The following EYA1 variants were observed in gnomAD, a reference collection of about 807,000 sequenced individuals.
The protein encoded by EYA1 is EYA transcriptional coactivator and phosphatase 1.
EYA1 carries 16 observed loss-of-function variants against 82.0 expected under a neutral mutation model. That is an observed-to-expected ratio of 0.20 (90% CI 0.13 to 0.30). EYA1 has a LOEUF of 0.30. Among genes scored for constraint, EYA1 ranks in the 10% least tolerant of loss-of-function variants. The probability of loss-of-function intolerance (pLI) is 1.00; values close to 1 mark genes in which losing one functional copy is unlikely to be tolerated. For synonymous variants in EYA1, 261 were observed against 264.4 expected (o/e 0.99, Z 0.12); for missense variants, 633 against 730.7 (o/e 0.87, Z 1.54).
chr8:71,397,908 C>T (rs1023440315), intron 2 of EYA1, among the ~76,000 whole-genome samples: 6 of 152,134 alleles, frequency 3.9e-5, no homozygotes, highest in Non-Finnish European at 8.8e-5. Flanking sequence ...CCATTCTCCC[C>T]GTCACTTTCA....
intron 2 of EYA1, among the ~76,000 whole-genome samples, chr8:71,412,816 C>G (rs1830678262): frequency 6.6e-6 from 1 of 152,194 alleles, no homozygotes; most frequent in Admixed American, 6.5e-5. Flanking sequence ...CCTGCCATAC[C>G]TAGCACTGCT....
intron 12 of EYA1, among the ~76,000 whole-genome samples, chr8:71,236,634 C>A (rs1406070176): frequency 6.6e-6 from 1 of 152,104 alleles, no homozygotes; most frequent in Non-Finnish European, 1.5e-5. Flanking sequence ...CTAGAATCTG[C>A]CACTCTACAG....
intron 2 of EYA1, among the ~76,000 whole-genome samples, chr8:71,375,773 C>T (rs961961446): frequency 4.6e-5 from 7 of 152,014 alleles, no homozygotes; most frequent in African/African-American, 9.7e-5. Context: ...GGGTTACAGA[C>T]GCCTGCCACC....
intron 2 of EYA1, among the ~76,000 whole-genome samples, chr8:71,425,104 C>CAA (rs71264555): frequency 0.23 from 17,208 of 75,282 alleles, 1,956 homozygotes; most frequent in Middle Eastern, 0.28. Flanking sequence ...ACTAAAAATA[C>CAA]AAAAAAAAAA....
At chr8:71,480,952 A>G (rs1810099404) in intron 2 of EYA1, among the ~76,000 whole-genome samples, 1 of 152,078 alleles carries the variant, frequency 6.6e-6, no homozygotes, top group African/African-American at 2.4e-5. Flanking sequence ...TTTTCTGGTA[A>G]ATGAATTTTC....
intron 2 of EYA1, among the ~76,000 whole-genome samples, chr8:71,473,628 G>A (rs1809412240): frequency 6.6e-6 from 1 of 152,132 alleles, no homozygotes; most frequent in African/African-American, 2.4e-5. Flanking sequence ...CAACCATTGT[G>A]GAAGACAGTG....
intron 7 of EYA1, among the ~76,000 whole-genome samples, chr8:71,305,326 A>G (rs1820607176): frequency 7.0e-6 from 1 of 142,520 alleles, no homozygotes; most frequent in South Asian, 2.2e-4. Flanking sequence ...TCCCATTATA[A>G]CCCATTATTT....
At chr8:71,205,695 A>T (rs1807676777) in intron 17 of EYA1, among the ~76,000 whole-genome samples, 1 of 152,234 alleles carries the variant, frequency 6.6e-6, no homozygotes, top group African/African-American at 2.4e-5. Context: ...GGATGACAGA[A>T]TAGATTTCAA....
rs1475464144 is a variant in EYA1 at position 71,408,883 on chromosome 8, T to C, written c.34-52372A>G. On this transcript the variant is annotated intron_variant, in intron 2 of 18. Coordinates refer to the EYA1 transcript ENST00000643681. ...CTGCACCAAGCGGACCTAATAGACATCTACAGAACTCTCCACCCCAAATCA... is the reference window on the plus strand; with the variant it reads ...CTGCACCAAGCGGACCTAATAGACACCTACAGAACTCTCCACCCCAAATCA... Among the ~76,000 whole-genome samples the C allele has an allele frequency of 1.2e-3, 135 of 112,380 alleles. 2 individuals are homozygous for C. Among genetic ancestry groups the C allele is most frequent in the African/African-American group, 4.6e-3 (115 of 24,816 alleles). The allele number at this position is 112,380 out of a possible 152,430, so 73.7% of individuals were successfully genotyped here.
In EYA1 at chr8:71,237,138, G is replaced by A. The variant is rs144356298; in HGVS notation, c.1140+7465C>T. On this transcript the variant is annotated intron_variant, in intron 12 of 17. Coordinates refer to ENST00000340726, the MANE Select transcript of EYA1 (RefSeq NM_000503.6). The stretch of plus-strand genomic sequence containing the variant: ...ATGATCTCGGCTTACTGCAACCTCC[G>A]CCTCCCGGGTTCAAGGGATTCTCCT... Among the ~76,000 whole-genome samples, 762 of 151,394 alleles carry A rather than the reference G, an allele frequency of 5.0e-3. 8 individuals are homozygous for A. Among genetic ancestry groups the A allele is most frequent in the African/African-American group, 0.017 (695 of 41,206 alleles).
At chr8:71,518,863 A>G (rs907335607) in intron 2 of EYA1, among the ~76,000 whole-genome samples, 14 of 152,142 alleles carry the variant, frequency 9.2e-5, no homozygotes, top group African/African-American at 3.4e-4. Flanking sequence ...AAAATAAAAA[A>G]CCTAAGTTCA....
At chr8:71,344,652 C>G (rs16937600) in intron 3 of EYA1, among the ~76,000 whole-genome samples, 7,644 of 152,256 alleles carry the variant, frequency 0.05, 613 homozygotes, top group African/African-American at 0.17. Flanking sequence ...CATCCTTAAT[C>G]ATTCCTTTGA....
chr8:71,392,714 TG>T (rs1409935024), intron 2 of EYA1, among the ~76,000 whole-genome samples: 1 of 152,212 alleles, frequency 6.6e-6, no homozygotes, highest in Non-Finnish European at 1.5e-5. Context: ...TGTTCATACT[TG>T]CCAGAAAAAT....
Position 71,211,209 on chromosome 8 carries a change from C to G in EYA1, c.1645G>C (p.Val549Leu). The change falls in exon 17 of 18, where the codon GTG (valine) becomes CTG (leucine). Residue 549 changes from valine to leucine, a missense_variant. Val to Leu is a conservative substitution (Grantham distance 32, BLOSUM62 1). Coordinates refer to ENST00000340726, the MANE Select transcript of EYA1 (RefSeq NM_000503.6). ...CCATCTCCTATAACAACATACACCA[C>G]TTTTCTTCCAAACCTTTGAATTATT... ...ERIIQRFGRK[V>L]VYVVIGDGVE... The G allele has an allele frequency of 1.2e-6, 2 of 1,613,748 alleles. No homozygotes were observed. Among genetic ancestry groups the G allele is most frequent in the Non-Finnish European group, 1.7e-6 (2 of 1,179,738 alleles).
intron 2 of EYA1, among the ~76,000 whole-genome samples, chr8:71,495,950 T>C (rs966396890): frequency 6.6e-6 from 1 of 152,236 alleles, no homozygotes; most frequent in Non-Finnish European, 1.5e-5. Context: ...TTGCAGACTC[T>C]AAAAGCAAAG....
intron 7 of EYA1, among the ~76,000 whole-genome samples, chr8:71,307,808 G>A (rs976627286): frequency 2.6e-5 from 4 of 152,166 alleles, no homozygotes; most frequent in Non-Finnish European, 5.9e-5. Context: ...TAGTCCAGCT[G>A]TCAGGATCCT....
At chr8:71,363,853 C>T (rs1827587131), upstream of EYA1, among the ~76,000 whole-genome samples, 1 of 151,934 alleles carries the variant, frequency 6.6e-6, no homozygotes, top group Non-Finnish European at 1.5e-5. Context: ...TTCATGCTTC[C>T]AATTGTTTAA....
chr8:71,507,981 C>G (rs951197078), intron 2 of EYA1, among the ~76,000 whole-genome samples: 2 of 152,132 alleles, frequency 1.3e-5, no homozygotes, highest in Admixed American at 1.3e-4. Flanking sequence ...ATATGAGTCT[C>G]CACTATGGCC....
rs771779342 is a variant in EYA1 at position 71,216,784 on chromosome 8, C to G, written c.1268G>C (p.Gly423Ala). ...CATCCAGTCCACACCGCCCCGTACA[C>G]CAGTTGCCAAACATAAGTTAGCACT... The part of the protein sequence containing the change: ...ATSANLCLAT[G>A]VRGGVDWMRK... The change falls in exon 14 of 18, where the codon GGT becomes GCT. Residue 423 changes from glycine (G) to alanine (A), a missense_variant. Coordinates refer to ENST00000340726, the MANE Select transcript of EYA1 (RefSeq NM_000503.6). 1.9e-6 allele frequency: 3 copies of G among 1,614,148 alleles called. No individual in the cohort carries two copies. The South Asian group carries it at 3.3e-5, about 18-fold the overall frequency.
Sources: allele counts gnomAD v4.1 joint callset (sites outside exome capture counted in the v4.1 genomes callset), GRCh38; gene constraint gnomAD v4.1.1; transcripts MANE v1.5; gene names NCBI Gene and HGNC (gene_info 2026-07-23, HGNC 2026-07-21).